The following ARL15 variants were observed in gnomAD, a reference collection of about 807,000 sequenced individuals.
ARL15 encodes the protein ARF like GTPase 15.
A neutral mutation model predicts 25.2 loss-of-function variants in ARL15; 19 were observed. That is an observed-to-expected ratio of 0.75 (90% CI 0.53 to 1.10). The LOEUF (loss-of-function observed/expected upper bound fraction) is 1.10. ARL15 is among the 50% of genes least tolerant of loss of function. The pLI, the probability that ARL15 is intolerant of heterozygous loss-of-function variation, is 0.00. For missense variants in ARL15, 220 were observed against 246.0 expected, an observed-to-expected ratio of 0.89 and a Z score of 0.71; for synonymous variants, 94 against 86.8, an observed-to-expected ratio of 1.08 and a Z score of -0.46.
At chr5:54,018,790 C>T (rs1322143245) in intron 4 of ARL15, among the ~76,000 whole-genome samples, 2 of 152,144 alleles carry the variant, frequency 1.3e-5, no homozygotes, top group South Asian at 2.1e-4. Flanking sequence ...CTAAACAAAC[C>T]GTAAAGTCTA....
At chr5:53,994,684 G>A (rs1748611994) in intron 4 of ARL15, among the ~76,000 whole-genome samples, 1 of 152,124 alleles carries the variant, frequency 6.6e-6, no homozygotes, top group Non-Finnish European at 1.5e-5. Flanking sequence ...CAACAGTGAA[G>A]ATGCATTTAA....
At chr5:54,099,472 G>GT (rs1752376966) in intron 4 of ARL15, among the ~76,000 whole-genome samples, 1 of 152,044 alleles carries the variant, frequency 6.6e-6, no homozygotes, top group African/African-American at 2.4e-5. Flanking sequence ...CCTAGCAAAA[G>GT]TTGTAAGGGT....
At chr5:53,974,043 G>A (rs1437172151) in intron 4 of ARL15, among the ~76,000 whole-genome samples, 1 of 151,978 alleles carries the variant, frequency 6.6e-6, no homozygotes, top group African/African-American at 2.4e-5. Flanking sequence ...CTGGGAAACT[G>A]ATTCCACATA....
chr5:54,255,097 A>C (rs187427433), intron 1 of ARL15, among the ~76,000 whole-genome samples: 13 of 152,274 alleles, frequency 8.5e-5, no homozygotes, highest in Non-Finnish European at 1.3e-4. Context: ...TTGTTTTTTC[A>C]CTGCTCCAAT....
chr5:53,942,913 G>T (rs1242824697), intron 4 of ARL15, among the ~76,000 whole-genome samples: 1 of 152,182 alleles, frequency 6.6e-6, no homozygotes, highest in East Asian at 1.9e-4. Context: ...AGTGCTTCAG[G>T]AAGGAGGGAT....
intron 1 of ARL15, among the ~76,000 whole-genome samples, chr5:54,176,842 A>G (rs1433101090): frequency 6.6e-6 from 1 of 152,102 alleles, no homozygotes; most frequent in Non-Finnish European, 1.5e-5. Context: ...TGCGATTTTC[A>G]TTTTTCCAAG....
intron 1 of ARL15, among the ~76,000 whole-genome samples, chr5:54,278,668 C>A (rs1260786661): frequency 6.6e-6 from 1 of 152,130 alleles, no homozygotes; most frequent in Admixed American, 6.5e-5. Flanking sequence ...GCTTTGGAAG[C>A]CTTCATATCT....
At chr5:54,298,655 C>A (rs915144954) in intron 1 of ARL15, among the ~76,000 whole-genome samples, 1 of 152,200 alleles carries the variant, frequency 6.6e-6, no homozygotes, top group South Asian at 2.1e-4. Context: ...CTCCACTAAT[C>A]GGCACCGCAA....
intron 2 of ARL15, among the ~76,000 whole-genome samples, chr5:54,161,866 A>G (rs1754409582): frequency 6.6e-6 from 1 of 152,120 alleles, no homozygotes; most frequent in Admixed American, 6.6e-5. Flanking sequence ...TCCACACTGA[A>G]GTCTACATAC....
At chr5:53,970,527 C>G (rs1028053664) in intron 4 of ARL15, among the ~76,000 whole-genome samples, 4 of 152,062 alleles carry the variant, frequency 2.6e-5, no homozygotes, top group African/African-American at 7.2e-5. Context: ...AGAGAGAACT[C>G]CGTTTTTATT....
intron 4 of ARL15, among the ~76,000 whole-genome samples, chr5:54,036,126 G>A (rs1248052432): frequency 6.6e-6 from 1 of 151,552 alleles, no homozygotes; most frequent in African/African-American, 2.4e-5. Context: ...CTCCAGTCTG[G>A]GCAACAGAGT....
intron 1 of ARL15, among the ~76,000 whole-genome samples, chr5:54,179,926 G>A (rs1755004735): frequency 1.3e-5 from 2 of 151,510 alleles, no homozygotes; most frequent in Non-Finnish European, 2.9e-5. Flanking sequence ...GCCGAGGCAG[G>A]AGAATCGCTT....
chr5:53,930,647 G>A (rs193282835), intron 4 of ARL15, among the ~76,000 whole-genome samples: 1 of 152,204 alleles, frequency 6.6e-6, no homozygotes, highest in African/African-American at 2.4e-5. Flanking sequence ...GAATATTTTC[G>A]GTGGTCGATT....
At chr5:54,138,134 A>G (rs1753661004) in intron 3 of ARL15, among the ~76,000 whole-genome samples, 4 of 152,176 alleles carry the variant, frequency 2.6e-5, no homozygotes, top group Admixed American at 2.6e-4. Flanking sequence ...ATAAATCTCT[A>G]TTATTATATT....
chr5:54,205,056 T>C (rs1221132196), intron 1 of ARL15, among the ~76,000 whole-genome samples: 2 of 151,156 alleles, frequency 1.3e-5, no homozygotes, highest in Non-Finnish European at 2.9e-5. Flanking sequence ...TGCCTCAGCC[T>C]CCCAAGTAGC....
chr5:54,252,966 C>T (rs1048510555), intron 1 of ARL15, among the ~76,000 whole-genome samples: 6 of 152,024 alleles, frequency 3.9e-5, no homozygotes, highest in African/African-American at 1.4e-4. Flanking sequence ...CTCAGGTGAT[C>T]CACCCGCCTT....
intron 1 of ARL15, among the ~76,000 whole-genome samples, chr5:54,175,344 T>C (rs990830065): frequency 1.1e-4 from 16 of 152,094 alleles, no homozygotes; most frequent in Non-Finnish European, 2.1e-4. Context: ...TCTTTCTTTT[T>C]TTTTTTTCAG....
chr5:54,014,499 G>A (rs1242917325), intron 4 of ARL15, among the ~76,000 whole-genome samples: 1 of 144,818 alleles, frequency 6.9e-6, no homozygotes, highest in Non-Finnish European at 1.5e-5. Context: ...CCCATAACCT[G>A]TTTTGCCAGG....
At chr5:54,082,996 G>A (rs763709989) in intron 4 of ARL15, among the ~76,000 whole-genome samples, 4 of 152,082 alleles carry the variant, frequency 2.6e-5, no homozygotes, top group Non-Finnish European at 2.9e-5. Context: ...TGAGGCCTAC[G>A]AATCTTCATA....
Sources: gnomAD v4.1 joint callset for allele counts (sites outside exome capture counted in the v4.1 genomes callset) on GRCh38, gnomAD v4.1.1 for gene constraint, MANE v1.5 for transcripts, NCBI Gene and HGNC (gene_info 2026-07-23, HGNC 2026-07-21) for gene names.